PUS7: variants seen among roughly 807,000 people sequenced by gnomAD.
PUS7 encodes pseudouridylate synthase 7 homolog.
Under a neutral mutation model 79.8 loss-of-function variants are expected in PUS7, and 48 were observed. The observed-to-expected ratio is 0.60, with a 90% CI of 0.48 to 0.76. The LOEUF is 0.76. PUS7 is among the 30% of genes least tolerant of loss of function. The pLI is 0.00. For missense variants in PUS7, 729 were observed against 797.6 expected, an observed-to-expected ratio of 0.91 and a Z score of 1.04; for synonymous variants, 286 against 272.2, an observed-to-expected ratio of 1.05 and a Z score of -0.50.
chr7:105,462,409 G>A (rs1823468291), intron 14 of PUS7: 1 of 495,416 alleles, frequency 2.0e-6, no homozygotes, highest in Non-Finnish European at 3.5e-6. Context: ...TCCAGCCTGG[G>A]TGACTAGTGA....
At chr7:105,465,672 A>C (rs1823612299) in intron 12 of PUS7, among the ~76,000 whole-genome samples, 1 of 152,074 alleles carries the variant, frequency 6.6e-6, no homozygotes, top group African/African-American at 2.4e-5. Context: ...GTCTCTACTA[A>C]AAATACTAAA....
chr7:105,521,745 C>T (rs1826122938), intron 1 of PUS7, among the ~76,000 whole-genome samples: 1 of 152,094 alleles, frequency 6.6e-6, no homozygotes, highest in African/African-American at 2.4e-5. Flanking sequence ...GGGGACAGCG[C>T]CGCGCGGGGA....
chr7:105,513,667 C>G (rs990334253), intron 1 of PUS7, among the ~76,000 whole-genome samples: 1 of 148,650 alleles, frequency 6.7e-6, no homozygotes, highest in African/African-American at 2.5e-5. Context: ...GAAACCCCGT[C>G]TCTACTAAAA....
chr7:105,486,729 C>CT (rs534170499), intron 7 of PUS7, among the ~76,000 whole-genome samples: 25 of 146,334 alleles, frequency 1.7e-4, no homozygotes, highest in African/African-American at 4.7e-4. Context: ...TAGTTCTGTC[C>CT]TTTTTTTTTT....
chr7:105,487,004 G>T (rs1033413400), intron 7 of PUS7, among the ~76,000 whole-genome samples: 1 of 152,026 alleles, frequency 6.6e-6, no homozygotes, highest in African/African-American at 2.4e-5. Context: ...AGGTTGCAGT[G>T]AGCCGAGATT....
At chr7:105,495,005 G>GAAAT in intron 6 of PUS7, 137 bp downstream of exon 6, 1 of 382,168 alleles carries the variant, frequency 2.6e-6, no homozygotes, top group Non-Finnish European at 4.8e-6. Context: ...AAGAAAGAAA[G>GAAAT]AAAGAAAACT....
intron 5 of PUS7, among the ~76,000 whole-genome samples, chr7:105,495,542 C>T (rs1007433793): frequency 3.9e-5 from 6 of 152,030 alleles, no homozygotes; most frequent in African/African-American, 1.4e-4. Context: ...ATGGCTTGAG[C>T]TCAGGAGTTC....
intron 9 of PUS7, among the ~76,000 whole-genome samples, chr7:105,476,580 T>A (rs1366637973): frequency 2.0e-5 from 3 of 152,118 alleles, no homozygotes; most frequent in African/African-American, 7.2e-5. Context: ...CTGGTCTCGA[T>A]CTCTTGACCT....
In PUS7 at chr7:105,456,602, T is replaced by TA. The variant is rs1420602733; in HGVS notation, c.*1187dup. 6.6e-6 allele frequency: 1 copy of TA among 152,150 alleles called. No individual in the cohort carries two copies. Among genetic ancestry groups the TA allele is most frequent in the African/African-American group, 2.4e-5 (1 of 41,446 alleles). The allele number at this position is 152,150 out of a possible 1,614,324, so 9.4% of individuals were successfully genotyped here. A position where few individuals can be genotyped will look rare whatever the true frequency, so the allele number is the denominator to read the frequency against. ...ATTTGTTTCTAGAAATCATAGAAAA[T>TA]AAAAATTGATACAATTTTGATATAC... On this transcript the variant is annotated 3_prime_UTR_variant, in exon 16 of 16. Transcript: ENST00000469408.
chr7:105,507,000 C>T (rs1825489747), intron 2 of PUS7, among the ~76,000 whole-genome samples: 1 of 152,108 alleles, frequency 6.6e-6, no homozygotes, highest in Non-Finnish European at 1.5e-5. Context: ...TCAAAATCCT[C>T]AACAACCCCA....
intron 4 of PUS7, among the ~76,000 whole-genome samples, chr7:105,502,829 A>G (rs994480170): frequency 5.9e-5 from 9 of 152,118 alleles, no homozygotes; most frequent in African/African-American, 1.9e-4. Flanking sequence ...CCTCCTGAGT[A>G]GCTGGGATTA....
chr7:105,516,415 C>T (rs983276802), intron 1 of PUS7, among the ~76,000 whole-genome samples: 1 of 151,878 alleles, frequency 6.6e-6, no homozygotes, highest in African/African-American at 2.4e-5. Flanking sequence ...TTTTCGCAAG[C>T]AGGAACTACG....
intron 14 of PUS7, among the ~76,000 whole-genome samples, chr7:105,460,684 C>T (rs1287806628): frequency 1.3e-5 from 2 of 151,256 alleles, no homozygotes; most frequent in Non-Finnish European, 3.0e-5. Flanking sequence ...GAAACCCCGT[C>T]TCTACTAAAA....
At chr7:105,465,270 T>C (rs368126405) in intron 13 of PUS7, 43 bp downstream of exon 13, 1 of 1,381,188 alleles carries the variant, frequency 7.2e-7, no homozygotes, top group Non-Finnish European at 1.0e-6. Flanking sequence ...AGCTTCATTA[T>C]GTTAAACTTG....
At chr7:105,472,366 C>T (rs775709046) in intron 9 of PUS7, among the ~76,000 whole-genome samples, 173 bp from the exon 10 acceptor site, 59 of 152,274 alleles carry the variant, frequency 3.9e-4, no homozygotes, top group Non-Finnish European at 6.5e-4. Context: ...TTCCCACCAT[C>T]CTGACAGTAG....
At chr7:105,486,036 C>CTTTT (rs1364988720) in intron 7 of PUS7, among the ~76,000 whole-genome samples, 2 of 140,106 alleles carry the variant, frequency 1.4e-5, no homozygotes, top group Non-Finnish European at 3.1e-5. Flanking sequence ...ATTTTTCTTT[C>CTTTT]TTTTTTTTTT....
At chr7:105,486,392 C>A (rs149328397) in intron 7 of PUS7, among the ~76,000 whole-genome samples, 4 of 151,970 alleles carry the variant, frequency 2.6e-5, no homozygotes, top group Non-Finnish European at 4.4e-5. Flanking sequence ...TCTTATATAA[C>A]TTTTTCTTCC....
chr7:105,462,458 G>A, intron 14 of PUS7, 163 bp downstream of exon 14: 1 of 758,298 alleles, frequency 1.3e-6, no homozygotes, highest in Non-Finnish European at 2.0e-6. Flanking sequence ...AAAACAAAAG[G>A]TAAGTAAAAA....
chr7:105,516,963 G>T (rs1253980290), intron 1 of PUS7, among the ~76,000 whole-genome samples: 1 of 151,988 alleles, frequency 6.6e-6, no homozygotes, highest in African/African-American at 2.4e-5. Flanking sequence ...TGAAAAGGGG[G>T]GAGAGGGCAG....
Sources: allele counts gnomAD v4.1 joint callset (sites outside exome capture counted in the v4.1 genomes callset), GRCh38; gene constraint gnomAD v4.1.1; transcripts MANE v1.5; gene names NCBI Gene and HGNC (gene_info 2026-07-23, HGNC 2026-07-21).